Variants in PTPRR observed in about 807,000 individuals in gnomAD.
PTPRR encodes the protein receptor-type tyrosine-protein phosphatase R.
In PTPRR, 38 loss-of-function variants were observed where a neutral mutation model predicts 77.2. The ratio of observed to expected loss-of-function variants is 0.49; its 90% CI spans 0.38 to 0.65. The LOEUF is 0.65. PTPRR is among the 30% of genes least tolerant of loss of function. The pLI is 0.00. For missense variants in PTPRR, 744 were observed against 799.2 expected (o/e 0.93, Z 0.83); for synonymous variants, 299 against 283.1 (o/e 1.06, Z -0.57).
intron 2 of PTPRR, among the ~76,000 whole-genome samples, chr12:70,821,255 C>T (rs919782189): frequency 1.5e-4 from 6 of 41,336 alleles, no homozygotes; most frequent in South Asian, 2.5e-3. Flanking sequence ...GACAGAGTTT[C>T]ACTCTGTCCC....
chr12:70,724,241 T>C (rs1889357388), intron 6 of PTPRR, among the ~76,000 whole-genome samples: 1 of 152,206 alleles, frequency 6.6e-6, no homozygotes, highest in East Asian at 1.9e-4. Context: ...TTCATGCTAC[T>C]TCTGCTGTCA....
intron 7 of PTPRR, among the ~76,000 whole-genome samples, chr12:70,700,513 A>G (rs1401151626): frequency 1.3e-5 from 2 of 152,174 alleles, no homozygotes. Flanking sequence ...AAAAACACGA[A>G]TATCAATCCC....
rs147300635 is a variant in PTPRR at position 70,752,064 on chromosome 12, C to T, written c.738+2127G>A. Among the ~76,000 whole-genome samples the T allele has an allele frequency of 2.5e-3, 378 of 152,238 alleles. 3 individuals carry two copies. Among genetic ancestry groups the T allele is most frequent in the South Asian group, 3.9e-3 (19 of 4,814 alleles). On this transcript the variant is annotated intron_variant, in intron 5 of 13. Transcript: ENST00000283228. ...TATAGGCTTGACTTTTCCTGAATGT[C>T]ATATAGTTGGACTCACATAGCATGT... is the stretch of plus-strand genomic sequence containing the variant.
chr12:70,724,602 G>C (rs1889370425), intron 6 of PTPRR, among the ~76,000 whole-genome samples: 1 of 152,082 alleles, frequency 6.6e-6, no homozygotes, highest in Admixed American at 6.6e-5. Context: ...AGCTTCCTCT[G>C]TGTTTCTGGC....
At chr12:70,854,285 A>G (rs1166610849) in intron 2 of PTPRR, among the ~76,000 whole-genome samples, 3 of 152,180 alleles carry the variant, frequency 2.0e-5, no homozygotes, top group Non-Finnish European at 4.4e-5. Context: ...AATTTCTAAG[A>G]AGGAAAACGC....
Position 70,910,106 on chromosome 12 carries a change from C to A in PTPRR, c.58+10227G>T, listed in dbSNP as rs149405783. On this transcript the variant is annotated intron_variant, in intron 1 of 13. Coordinates refer to ENST00000283228, the MANE Select transcript of PTPRR (RefSeq NM_002849.4). ...TGCACCATTTTTCTTTTTATATTTT[C>A]TTTTCATTGGTCTTATATTGCAGCT... is the stretch of plus-strand genomic sequence containing the variant. Among the ~76,000 whole-genome samples, 323 of 151,984 alleles carry A rather than the reference C, an allele frequency of 2.1e-3. 1 individual carries two copies. Among genetic ancestry groups the A allele is most frequent in the African/African-American group, 6.9e-3 (285 of 41,434 alleles).
intron 2 of PTPRR, among the ~76,000 whole-genome samples, chr12:70,879,188 A>T (rs1893106227): frequency 6.6e-6 from 1 of 152,158 alleles, no homozygotes; most frequent in Admixed American, 6.5e-5. Context: ...CCAACATGGC[A>T]CATGTATACA....
intron 2 of PTPRR, among the ~76,000 whole-genome samples, chr12:70,777,873 C>A (rs1476253279): frequency 6.6e-6 from 1 of 152,162 alleles, no homozygotes; most frequent in Non-Finnish European, 1.5e-5. Flanking sequence ...TGTGTTAAGC[C>A]ACTAAGATAT....
intron 13 of PTPRR, among the ~76,000 whole-genome samples, chr12:70,646,587 T>G (rs1348803058): frequency 6.6e-6 from 1 of 152,144 alleles, no homozygotes; most frequent in African/African-American, 2.4e-5. Context: ...CAGCATAATA[T>G]GTTTTACAAA....
At chr12:70,800,065 A>G (rs1367331851) in intron 2 of PTPRR, among the ~76,000 whole-genome samples, 5 of 152,174 alleles carry the variant, frequency 3.3e-5, no homozygotes, top group African/African-American at 9.6e-5. Flanking sequence ...ATATGCAACC[A>G]ATGTTGGAAG....
intron 2 of PTPRR, among the ~76,000 whole-genome samples, chr12:70,769,539 T>C (rs1177036068): frequency 6.6e-6 from 1 of 152,216 alleles, no homozygotes; most frequent in Admixed American, 6.5e-5. Flanking sequence ...GAACATTCCA[T>C]GCTCATGGGT....
At chr12:70,889,841 A>G (rs1194562455) in intron 2 of PTPRR, among the ~76,000 whole-genome samples, 1 of 151,558 alleles carries the variant, frequency 6.6e-6, no homozygotes, top group Non-Finnish European at 1.5e-5. Context: ...CCATGAGTCC[A>G]TCTCACAGAG....
chr12:70,714,210 C>A (rs1217342391), intron 6 of PTPRR, among the ~76,000 whole-genome samples: 2 of 151,938 alleles, frequency 1.3e-5, no homozygotes, highest in Non-Finnish European at 2.9e-5. Context: ...ATATAAATAT[C>A]TATTAATTCA....
chr12:70,710,303 G>A (rs1888778707), intron 6 of PTPRR, among the ~76,000 whole-genome samples: 1 of 152,072 alleles, frequency 6.6e-6, no homozygotes, highest in Non-Finnish European at 1.5e-5. Context: ...CAATGGGAAA[G>A]TATTCCCTAT....
At chr12:70,891,862 TG>T (rs1420850441) in intron 2 of PTPRR, among the ~76,000 whole-genome samples, 15 of 152,094 alleles carry the variant, frequency 9.9e-5, no homozygotes, top group Admixed American at 9.8e-4. Context: ...TGAATTATCT[TG>T]GCCACACAAA....
chr12:70,759,691 AAAAAAAAAAAAAAAAC>A (rs1322149071), intron 4 of PTPRR, among the ~76,000 whole-genome samples: 2 of 147,982 alleles, frequency 1.4e-5, no homozygotes, highest in East Asian at 3.9e-4. Flanking sequence ...AAAAAAAAAA[AAAAAAAAAAAAAAAAC>A]AAACGAAAGG....
intron 2 of PTPRR, among the ~76,000 whole-genome samples, chr12:70,822,334 A>G (rs1892030084): frequency 6.6e-6 from 1 of 152,238 alleles, no homozygotes; most frequent in Non-Finnish European, 1.5e-5. Flanking sequence ...AACATACCAC[A>G]GAGAGCTACG....
At chr12:70,763,168 G>A in intron 3 of PTPRR, among the ~76,000 whole-genome samples, 1 of 151,114 alleles carries the variant, frequency 6.6e-6, no homozygotes, top group Non-Finnish European at 1.5e-5. Flanking sequence ...CGCTCTTGTT[G>A]TCCAGGCTGG....
intron 1 of PTPRR, among the ~76,000 whole-genome samples, chr12:70,895,708 G>A (rs553794437): frequency 6.6e-6 from 1 of 151,688 alleles, no homozygotes; most frequent in Admixed American, 6.6e-5. Flanking sequence ...CTAGGAATCT[G>A]GATTTATAAT....
Sources: allele counts gnomAD v4.1 joint callset (sites outside exome capture counted in the v4.1 genomes callset), GRCh38; gene constraint gnomAD v4.1.1; transcripts MANE v1.5; gene names NCBI Gene and HGNC (gene_info 2026-07-23, HGNC 2026-07-21).